Variants in KDM4C observed in about 807,000 individuals in gnomAD.
The protein encoded by KDM4C is lysine-specific demethylase 4C.
KDM4C carries 81 observed loss-of-function variants against 129.3 expected under a neutral mutation model. That is an observed-to-expected ratio of 0.63 (90% CI 0.52 to 0.75). The LOEUF is 0.75. KDM4C is among the 30% of genes least tolerant of loss of function. The pLI is 0.00. For missense variants in KDM4C, 1,457 were observed against 1,304.0 expected (o/e 1.12, Z -1.81); for synonymous variants, 573 against 456.1 (o/e 1.26, Z -3.26).
At chr9:7,078,392 CTT>C (rs200911100) in intron 17 of KDM4C, among the ~76,000 whole-genome samples, 3 of 143,316 alleles carry the variant, frequency 2.1e-5, no homozygotes, top group Non-Finnish European at 3.1e-5. Context: ...CCTAGGTTTC[CTT>C]TTTTTTTTTG....
At chr9:7,131,417 C>CA (rs1192551236) in intron 19 of KDM4C, among the ~76,000 whole-genome samples, 3 of 152,170 alleles carry the variant, frequency 2.0e-5, no homozygotes, top group South Asian at 4.2e-4. Context: ...GAAGCGGAAC[C>CA]AATAGGAGAT....
At chr9:7,119,965 A>T (rs1048293653) in intron 18 of KDM4C, among the ~76,000 whole-genome samples, 1 of 152,146 alleles carries the variant, frequency 6.6e-6, no homozygotes, top group African/African-American at 2.4e-5. Context: ...GGACTCTCTC[A>T]TTATTTTATT....
At chr9:6,801,738 T>C (rs911986199) in intron 2 of KDM4C, among the ~76,000 whole-genome samples, 5 of 152,106 alleles carry the variant, frequency 3.3e-5, no homozygotes, top group African/African-American at 1.2e-4. Context: ...AAGACTTCTA[T>C]ACATTAATAA....
At chr9:6,946,410 G>A (rs183056102) in intron 8 of KDM4C, among the ~76,000 whole-genome samples, 19 of 152,020 alleles carry the variant, frequency 1.2e-4, no homozygotes, top group African/African-American at 4.6e-4. Flanking sequence ...TAATATTTCT[G>A]AAGAGAATAT....
At chr9:7,034,184 C>G (rs1271973282) in intron 15 of KDM4C, among the ~76,000 whole-genome samples, 1 of 152,122 alleles carries the variant, frequency 6.6e-6, no homozygotes, top group Non-Finnish European at 1.5e-5. Flanking sequence ...TCCGTCATCT[C>G]AAACATTTAT....
intron 17 of KDM4C, among the ~76,000 whole-genome samples, chr9:7,092,785 A>G (rs537845119): frequency 2.0e-5 from 3 of 152,306 alleles, no homozygotes; most frequent in Admixed American, 6.5e-5. Flanking sequence ...CCAGAACATA[A>G]GCGGTACACG....
At chr9:7,036,625 A>G (rs1296860439) in intron 15 of KDM4C, among the ~76,000 whole-genome samples, 2 of 152,192 alleles carry the variant, frequency 1.3e-5, no homozygotes, top group African/African-American at 4.8e-5. Flanking sequence ...TTACTTGGTT[A>G]GTGTTGTAAA....
At chr9:7,168,727 C>G (rs1405470986) in intron 20 of KDM4C, among the ~76,000 whole-genome samples, 1 of 152,136 alleles carries the variant, frequency 6.6e-6, no homozygotes, top group African/African-American at 2.4e-5. Flanking sequence ...AGTTCAAGCT[C>G]TGTAAGAAAT....
chr9:7,131,414 A>G (rs1270794148), intron 19 of KDM4C, among the ~76,000 whole-genome samples: 1 of 152,152 alleles, frequency 6.6e-6, no homozygotes, highest in Non-Finnish European at 1.5e-5. Flanking sequence ...AGAGAAGCGG[A>G]ACCAATAGGA....
intron 8 of KDM4C, among the ~76,000 whole-genome samples, chr9:6,938,680 A>T (rs1035691043): frequency 2.6e-5 from 4 of 152,152 alleles, no homozygotes; most frequent in African/African-American, 9.7e-5. Flanking sequence ...CCTTTTGAAG[A>T]GTTGTGTGTG....
At chr9:6,984,968 C>T (rs1258528536) in intron 10 of KDM4C, among the ~76,000 whole-genome samples, 2 of 152,086 alleles carry the variant, frequency 1.3e-5, no homozygotes, top group African/African-American at 2.4e-5. Flanking sequence ...TGATTTGCCT[C>T]TTTCATATTT....
At chr9:7,104,061 C>T (rs2133157466) in intron 18 of KDM4C, 191 bp downstream of exon 18, 1 of 570,370 alleles carries the variant, frequency 1.8e-6, no homozygotes, top group Admixed American at 3.0e-5. Flanking sequence ...CTGTCAAGTG[C>T]CTGGTGCACG....
chr9:7,103,973 C>A, intron 18 of KDM4C, 103 bp downstream of exon 18: 1 of 1,005,678 alleles, frequency 9.9e-7, no homozygotes, highest in South Asian at 1.5e-5. Flanking sequence ...TAATATGACT[C>A]ATTGTTGACA....
chr9:6,732,505 C>T (rs1040228997), intron 1 of KDM4C, among the ~76,000 whole-genome samples: 2 of 149,946 alleles, frequency 1.3e-5, no homozygotes, highest in Non-Finnish European at 1.5e-5. Context: ...AAACCAGCCT[C>T]CCAAAGTGCT....
chr9:7,072,710 GT>G (rs1255149896), intron 17 of KDM4C, among the ~76,000 whole-genome samples: 1 of 152,112 alleles, frequency 6.6e-6, no homozygotes, highest in Non-Finnish European at 1.5e-5. Flanking sequence ...CAACTGTATT[GT>G]TTTGTGGAAA....
intron 8 of KDM4C, among the ~76,000 whole-genome samples, chr9:6,904,090 A>T (rs1472496155): frequency 2.0e-5 from 3 of 152,042 alleles, no homozygotes; most frequent in African/African-American, 7.2e-5. Context: ...AAATACAAAA[A>T]TTAGCTGGCA....
intron 11 of KDM4C, among the ~76,000 whole-genome samples, chr9:6,987,628 A>G (rs1238431280): frequency 6.6e-6 from 1 of 152,190 alleles, no homozygotes; most frequent in Non-Finnish European, 1.5e-5. Flanking sequence ...GGAGCAAGGG[A>G]GGTTGTATAA....
intron 19 of KDM4C, among the ~76,000 whole-genome samples, chr9:7,141,224 C>G (rs1011900272): frequency 6.6e-6 from 1 of 152,176 alleles, no homozygotes; most frequent in Non-Finnish European, 1.5e-5. Flanking sequence ...TTCTTAGTTT[C>G]TATTTCTGGT....
chr9:6,798,924 G>T (rs1277490054), intron 2 of KDM4C, among the ~76,000 whole-genome samples: 2 of 151,882 alleles, frequency 1.3e-5, no homozygotes, highest in Non-Finnish European at 2.9e-5. Flanking sequence ...CTCCCAGACG[G>T]GGTCGCGGTC....
Sources: gnomAD v4.1 joint callset for allele counts (sites outside exome capture counted in the v4.1 genomes callset) on GRCh38, gnomAD v4.1.1 for gene constraint, MANE v1.5 for transcripts, NCBI Gene and HGNC (gene_info 2026-07-23, HGNC 2026-07-21) for gene names.